PARP8: variants seen among roughly 807,000 people sequenced by gnomAD.
PARP8 encodes protein mono-ADP-ribosyltransferase PARP8.
In PARP8, 51 loss-of-function variants were observed where a neutral mutation model predicts 124.1. That is an observed-to-expected ratio of 0.41 (90% CI 0.33 to 0.52). The LOEUF is 0.52. PARP8 is among the 20% of genes least tolerant of loss of function. The pLI, the probability that PARP8 is intolerant of heterozygous loss-of-function variation, is 0.21. For missense variants in PARP8, 860 were observed against 1,018.9 expected, an observed-to-expected ratio of 0.84 and a Z score of 2.12; for synonymous variants, 391 against 361.5, an observed-to-expected ratio of 1.08 and a Z score of -0.93.
chr5:50,756,574 C>G (rs1257417244), intron 3 of PARP8, among the ~76,000 whole-genome samples: 2 of 151,994 alleles, frequency 1.3e-5, no homozygotes, highest in Non-Finnish European at 2.9e-5. Flanking sequence ...GTGGCTTAGG[C>G]TAAAGGAGAT....
chr5:50,722,840 G>A (rs1444405519), intron 2 of PARP8, among the ~76,000 whole-genome samples: 1 of 152,000 alleles, frequency 6.6e-6, no homozygotes, highest in Non-Finnish European at 1.5e-5. Context: ...GAGTGTTTGG[G>A]ATAGTCCAGC....
rs145635247 is a variant in PARP8 at position 50,693,000 on chromosome 5, A to G, written c.146+24875A>G. On this transcript the variant is annotated intron_variant, in intron 2 of 25. Coordinates refer to ENST00000281631, the MANE Select transcript of PARP8 (RefSeq NM_024615.4). ...GAAAGGAGTTCTTAAAATTTTTATG[A>G]TAAGGGTGTTGAGGACCTCCCTTAG... is the stretch of plus-strand genomic sequence containing the variant. Among the ~76,000 whole-genome samples, 494 of 152,266 alleles carry G rather than the reference A, an allele frequency of 3.2e-3. 1 individual carries two copies. Among genetic ancestry groups the G allele is most frequent in the Non-Finnish European group, 5.2e-3 (351 of 68,018 alleles).
intron 2 of PARP8, among the ~76,000 whole-genome samples, chr5:50,673,734 A>AG (rs1160549117): frequency 6.6e-6 from 1 of 152,230 alleles, no homozygotes; most frequent in African/African-American, 2.4e-5. Context: ...TGGCAAAGGT[A>AG]GTGCCTGAGC....
At position 50,760,277 on chromosome 5, in the gene PARP8, A is replaced by G. The variant is rs1345348159; in HGVS notation, c.275-15A>G. ...TAAGTATCATAATATTTTTTAAATT[A>G]CAACTTTCTTTCAGAATTAAGAAAA... is the stretch of plus-strand genomic sequence containing the variant. On this transcript the variant is annotated splice_polypyrimidine_tract_variant and intron_variant, in intron 4 of 25. Coordinates refer to ENST00000281631, the MANE Select transcript of PARP8 (RefSeq NM_024615.4). The G allele has an allele frequency of 6.7e-7, 1 of 1,487,980 alleles. No individual in the cohort carries two copies. Among genetic ancestry groups the G allele is most frequent in the South Asian group, 1.3e-5 (1 of 78,798 alleles). The allele number at this position is 1,487,980 out of a possible 1,614,324, so 92.2% of individuals were successfully genotyped here.
At chr5:50,834,132 T>C in intron 24 of PARP8, 84 bp downstream of exon 24, 1 of 1,089,846 alleles carries the variant, frequency 9.2e-7, no homozygotes, top group Non-Finnish European at 1.4e-6. Context: ...ACAGAGTGCT[T>C]ACGGTGGAAT....
chr5:50,824,693 A>G (rs1345140730), intron 17 of PARP8, among the ~76,000 whole-genome samples: 1 of 152,060 alleles, frequency 6.6e-6, no homozygotes, highest in Admixed American at 6.6e-5. Flanking sequence ...GTCTTTTAAC[A>G]CAGTGTTTGG....
chr5:50,668,348 C>CAGA (rs1353672447), intron 2 of PARP8: 5 of 569,348 alleles, frequency 8.8e-6, no homozygotes, highest in Admixed American at 3.0e-5. Flanking sequence ...AGGCAATGAG[C>CAGA]AGAACTCTTC....
Position 50,797,149 on chromosome 5 carries a change from T to G in PARP8, c.1491T>G (p.Phe497Leu), listed in dbSNP as rs1244275317. 1 of 1,613,298 alleles carries G rather than the reference T, an allele frequency of 6.2e-7. No homozygotes were observed. Among genetic ancestry groups the G allele is most frequent in the East Asian group, 2.2e-5 (1 of 44,840 alleles). Residue 497 changes from phenylalanine to leucine, a missense_variant, in exon 14 of 26, where the codon TTT becomes TTG. Physicochemically the swap from Phe to Leu is conservative, Grantham distance 22 (BLOSUM62 0). This residue lies in a region of PARP8 where 343 missense variants were observed against 474.7 expected (regional missense o/e 0.72). Coordinates refer to ENST00000281631, the MANE Select transcript of PARP8 (RefSeq NM_024615.4). ...ACTGTTTTATTCAGACAATTGAGTT[T>G]GCTGAACAGCGGATCCCTGTATTAA... ...DRGFLVQTIE[F>L]AEQRIPVLNE...
At chr5:50,728,496 T>C (rs1441520917) in intron 2 of PARP8, among the ~76,000 whole-genome samples, 2 of 152,120 alleles carry the variant, frequency 1.3e-5, no homozygotes, top group African/African-American at 4.8e-5. Context: ...AATCTGTCTA[T>C]TGTTATGGTG....
intron 7 of PARP8, among the ~76,000 whole-genome samples, chr5:50,772,526 C>G (rs1193739387): frequency 3.9e-5 from 6 of 152,114 alleles, no homozygotes; most frequent in African/African-American, 1.4e-4. Flanking sequence ...ATTTTTTAAT[C>G]TTTTTGCTAA....
intron 2 of PARP8, among the ~76,000 whole-genome samples, chr5:50,684,135 ATCTT>A (rs1225983451): frequency 1.3e-5 from 2 of 152,198 alleles, no homozygotes; most frequent in East Asian, 3.8e-4. Context: ...GAAAATATTA[ATCTT>A]TCTTCTCAGT....
chr5:50,754,934 GTGA>G (rs1759751722), intron 3 of PARP8, among the ~76,000 whole-genome samples: 1 of 152,176 alleles, frequency 6.6e-6, no homozygotes, highest in African/African-American at 2.4e-5. Context: ...CTGATGGCCA[GTGA>G]TGATGAGCAT....
chr5:50,791,601 A>T (rs999193329), intron 10 of PARP8, among the ~76,000 whole-genome samples: 3 of 152,220 alleles, frequency 2.0e-5, no homozygotes, highest in Non-Finnish European at 4.4e-5. Context: ...CCTGACACAG[A>T]TATCACAGAT....
At chr5:50,747,384 A>T (rs1462194585) in intron 2 of PARP8, among the ~76,000 whole-genome samples, 1 of 151,974 alleles carries the variant, frequency 6.6e-6, no homozygotes, top group Non-Finnish European at 1.5e-5. Context: ...TATATGATCT[A>T]TCTTGATATT....
chr5:50,796,646 G>A (rs765661511), intron 12 of PARP8, among the ~76,000 whole-genome samples: 5 of 152,166 alleles, frequency 3.3e-5, no homozygotes, highest in Middle Eastern at 3.2e-3. Context: ...TAAGACTGAA[G>A]TCTCCTAATG....
At chr5:50,706,972 T>G (rs780839223) in intron 2 of PARP8, among the ~76,000 whole-genome samples, 9 of 152,082 alleles carry the variant, frequency 5.9e-5, no homozygotes, top group Non-Finnish European at 8.8e-5. Context: ...ATCTTGCTTA[T>G]GGAAATCATT....
chr5:50,668,004 C>G, intron 1 of PARP8, 67 bp from the exon 2 acceptor site: 3 of 1,609,966 alleles, frequency 1.9e-6, no homozygotes, highest in Non-Finnish European at 2.5e-6. Flanking sequence ...ATGTGGGGCT[C>G]AAGTCCTGAT....
chr5:50,809,403 G>A (rs1304891633), intron 14 of PARP8, among the ~76,000 whole-genome samples: 1 of 151,902 alleles, frequency 6.6e-6, no homozygotes, highest in Non-Finnish European at 1.5e-5. Context: ...GAAAAATCAC[G>A]GCAATAGTTT....
At chr5:50,744,608 C>T (rs1045609759) in intron 2 of PARP8, 32 of 591,518 alleles carry the variant, frequency 5.4e-5, no homozygotes, top group Admixed American at 2.0e-4. Context: ...CCATGCATCA[C>T]ACTGTTCATA....
Sources: allele counts gnomAD v4.1 joint callset (sites outside exome capture counted in the v4.1 genomes callset), GRCh38; gene constraint gnomAD v4.1.1; regional missense constraint gnomAD v4.1.1; transcripts MANE v1.5; gene names NCBI Gene and HGNC (gene_info 2026-07-23, HGNC 2026-07-21).